The following CPQ variants were observed in gnomAD, a reference collection of about 807,000 sequenced individuals.
CPQ encodes the protein Ser-Met dipeptidase.
CPQ carries 37 observed loss-of-function variants against 45.7 expected under a neutral mutation model. The ratio of observed to expected loss-of-function variants is 0.81; its 90% confidence interval spans 0.62 to 1.07. The LOEUF is 1.07. CPQ is among the 50% of genes least tolerant of loss of function. CPQ has a pLI of 0.00. For synonymous variants in CPQ, 186 were observed against 205.8 expected (o/e 0.90, Z 0.82); for missense variants, 537 against 572.9 (o/e 0.94, Z 0.64).
intron 1 of CPQ, among the ~76,000 whole-genome samples, chr8:96,714,030 T>C (rs916469543): frequency 6.6e-6 from 1 of 152,240 alleles, no homozygotes; most frequent in African/African-American, 2.4e-5. Context: ...GGTTTTCCTT[T>C]ATAAGTTTTC....
intron 7 of CPQ, among the ~76,000 whole-genome samples, chr8:97,106,978 T>A (rs1472135161): frequency 4.6e-5 from 7 of 152,142 alleles, no homozygotes; most frequent in Non-Finnish European, 1.0e-4. Flanking sequence ...ATTTAATATA[T>A]TGGTGACCTT....
At chr8:96,703,521 G>A (rs1368160386) in intron 1 of CPQ, among the ~76,000 whole-genome samples, 1 of 152,066 alleles carries the variant, frequency 6.6e-6, no homozygotes, top group East Asian at 1.9e-4. Flanking sequence ...AATGGACCTG[G>A]AACTAATGTG....
In CPQ at chr8:97,123,119, TAAAATAAATA is replaced by T. The variant is rs1412855622; in HGVS notation, c.1256-19897_1256-19888del. On this transcript the variant is annotated intron_variant, in intron 7 of 7. Transcript: ENST00000220763. ...ATAAAATAAATAAAATAAAATAAAA[TAAAATAAATA>T]AAATAAAATAAAATAAAATAAATAA... Among the ~76,000 whole-genome samples, 29 of 57,144 alleles carry T rather than the reference TAAAATAAATA, an allele frequency of 5.1e-4. 1 individual carries two copies. The highest frequency in any genetic ancestry group is 1.6e-3 in the African/African-American group (21 of 13,088). 37.5% of individuals were successfully genotyped at this position (57,144 alleles called of 152,430 possible). A position where few individuals can be genotyped will look rare whatever the true frequency, so the allele number is the denominator to read the frequency against.
At chr8:97,091,487 C>T (rs1358655994) in intron 7 of CPQ, among the ~76,000 whole-genome samples, 4 of 152,136 alleles carry the variant, frequency 2.6e-5, no homozygotes, top group Non-Finnish European at 5.9e-5. Context: ...ATTGTCAGGC[C>T]AGTTCCCAGA....
At chr8:96,798,745 A>G (rs1462413423) in intron 2 of CPQ, among the ~76,000 whole-genome samples, 1 of 152,006 alleles carries the variant, frequency 6.6e-6, no homozygotes, top group Non-Finnish European at 1.5e-5. Context: ...CCCAACCTAA[A>G]TAAATTTAAT....
In CPQ at chr8:96,728,676, A is replaced by C. The variant is rs191629933; in HGVS notation, c.-34-56188A>C. ...AAGAAAGTGCTTCATAAATCACACA[A>C]CTTTTTCTGTTGCTGAGTCAGTATC... is the stretch of plus-strand genomic sequence containing the variant. On this transcript the variant is annotated intron_variant, in intron 1 of 7. Transcript: ENST00000220763. 1.1e-3 allele frequency among the ~76,000 whole-genome samples: 161 copies of C among 152,252 alleles called. 3 individuals are homozygous for C. The East Asian group carries it at 0.024, about 23-fold the overall frequency.
chr8:96,976,247 C>CAAAAA lies in CPQ; in HGVS notation c.961+10222_961+10226dup, dbSNP rs55864086. Among the ~76,000 whole-genome samples, 180 of 60,848 alleles carry CAAAAA rather than the reference C, an allele frequency of 3.0e-3. 1 individual carries two copies. Among genetic ancestry groups the CAAAAA allele is most frequent in the Non-Finnish European group, 4.1e-3 (139 of 33,948 alleles). The allele number at this position is 60,848 out of a possible 152,430, so 39.9% of individuals were successfully genotyped here. The stretch of plus-strand genomic sequence containing the variant: ...ACTCAACCCCTTTCACAATAGCTGA[C>CAAAAA]AAAAAAAAAAAAAAAAAAAAAAAAA... On this transcript the variant is annotated intron_variant, in intron 5 of 7. Transcript: ENST00000220763.
chr8:96,920,378 G>A (rs928185840), intron 4 of CPQ, among the ~76,000 whole-genome samples: 15 of 152,106 alleles, frequency 9.9e-5, no homozygotes, highest in African/African-American at 3.1e-4. Context: ...TTAATGTTGC[G>A]AGGCCATTGG....
chr8:96,706,150 G>T (rs537272101), intron 1 of CPQ, among the ~76,000 whole-genome samples: 1 of 152,206 alleles, frequency 6.6e-6, no homozygotes, highest in South Asian at 2.1e-4. Context: ...TTTAATACGT[G>T]ATCTTTGCTG....
chr8:97,112,059 C>G (rs539616227), intron 7 of CPQ, among the ~76,000 whole-genome samples: 5 of 152,240 alleles, frequency 3.3e-5, no homozygotes, highest in South Asian at 4.2e-4. Flanking sequence ...CCCTTTCCAG[C>G]TTTGGTACTC....
At chr8:96,929,205 T>C (rs1034565244) in intron 4 of CPQ, among the ~76,000 whole-genome samples, 17 of 152,162 alleles carry the variant, frequency 1.1e-4, no homozygotes, top group Non-Finnish European at 1.8e-4. Flanking sequence ...GGACTAAAAC[T>C]GCCTACAAAG....
At chr8:96,767,635 C>CTTTTTTTTTT (rs1172189500) in intron 1 of CPQ, among the ~76,000 whole-genome samples, 9 of 39,278 alleles carry the variant, frequency 2.3e-4, no homozygotes, top group Non-Finnish European at 3.9e-4. Context: ...GTTACCTATG[C>CTTTTTTTTTT]TTTTTTTTTT....
chr8:97,010,564 C>T (rs2130438516), intron 5 of CPQ, among the ~76,000 whole-genome samples: 1 of 152,264 alleles, frequency 6.6e-6, no homozygotes, highest in Admixed American at 6.5e-5. Context: ...CTTTCTCTCC[C>T]CCAGCCTCAC....
chr8:97,082,478 G>C (rs1218661537), intron 7 of CPQ, among the ~76,000 whole-genome samples: 1 of 152,126 alleles, frequency 6.6e-6, no homozygotes, highest in South Asian at 2.1e-4. Flanking sequence ...GTTGAGACCT[G>C]ATTCAAAATA....
In CPQ at chr8:96,725,919, T is replaced by C. The variant is rs371745449; in HGVS notation, c.-34-58945T>C. Among the ~76,000 whole-genome samples the C allele has an allele frequency of 4.5e-4, 69 of 152,230 alleles. 1 individual carries two copies. The highest frequency in any genetic ancestry group is 1.7e-3 in the African/African-American group (69 of 41,544). Reference sequence around the variant, plus strand: ...CTACACAGCCATAAAAAATAAATAATGAAATTGTGTTATTTGGAGCAACAT... The same window carrying C: ...CTACACAGCCATAAAAAATAAATAACGAAATTGTGTTATTTGGAGCAACAT... On this transcript the variant is annotated intron_variant, in intron 1 of 7. Coordinates refer to ENST00000220763, the MANE Select transcript of CPQ (RefSeq NM_016134.4).
At chr8:96,791,135 C>G (rs927633525) in intron 2 of CPQ, among the ~76,000 whole-genome samples, 2 of 152,122 alleles carry the variant, frequency 1.3e-5, no homozygotes, top group African/African-American at 4.8e-5. Context: ...GAACCAGACT[C>G]CAAGAGGTTA....
At chr8:96,847,836 CTTT>C (rs76194040) in intron 3 of CPQ, among the ~76,000 whole-genome samples, 8 of 84,518 alleles carry the variant, frequency 9.5e-5, no homozygotes, top group East Asian at 3.2e-4. Flanking sequence ...ATTTGTTTTC[CTTT>C]TTTTTTTTTT....
intron 3 of CPQ, among the ~76,000 whole-genome samples, chr8:96,852,181 C>G (rs1224912683): frequency 6.6e-6 from 1 of 152,190 alleles, no homozygotes; most frequent in African/African-American, 2.4e-5. Flanking sequence ...GAAATCACTC[C>G]TCCACTTGCC....
intron 5 of CPQ, among the ~76,000 whole-genome samples, chr8:97,027,348 T>C (rs958860041): frequency 2.0e-5 from 3 of 152,198 alleles, no homozygotes; most frequent in East Asian, 3.8e-4. Context: ...ATTTCCTCTC[T>C]GAGCATTTAG....
Sources: gnomAD v4.1 joint callset for allele counts (sites outside exome capture counted in the v4.1 genomes callset) on GRCh38, gnomAD v4.1.1 for gene constraint, MANE v1.5 for transcripts, NCBI Gene and HGNC (gene_info 2026-07-23, HGNC 2026-07-21) for gene names.